Variants in DNAJC10 observed in about 807,000 individuals in gnomAD.
DNAJC10 encodes DnaJ heat shock protein family (Hsp40) member C10, also known as endoplasmic reticulum disulfide reductase DNAJC10.
Under a neutral mutation model 115.0 loss-of-function variants are expected in DNAJC10, and 101 were observed. The ratio of observed to expected loss-of-function variants is 0.88; its 90% CI spans 0.75 to 1.04. The LOEUF is 1.04. Ranked by LOEUF, DNAJC10 falls within the 50% of genes least tolerant of loss-of-function variation. The pLI, the probability that DNAJC10 is intolerant of heterozygous loss-of-function variation, is 0.00. For synonymous variants in DNAJC10, 307 were observed against 301.5 expected (o/e 1.02, Z -0.19); for missense variants, 981 against 928.8 (o/e 1.06, Z -0.73).
chr2:182,734,360 T>A (rs1315470068), intron 10 of DNAJC10, among the ~76,000 whole-genome samples: 3 of 151,616 alleles, frequency 2.0e-5, no homozygotes, highest in African/African-American at 7.2e-5. Flanking sequence ...AGATTCTATA[T>A]TTTTTGTTCC....
chr2:182,764,675 G>A (rs2105692709), intron 22 of DNAJC10, among the ~76,000 whole-genome samples: 1 of 152,146 alleles, frequency 6.6e-6, no homozygotes, highest in East Asian at 1.9e-4. Context: ...AGTATATAAG[G>A]GTGCATAGTA....
chr2:182,787,972 A>G lies in DNAJC10; in HGVS notation c.*10840A>G, dbSNP rs1415614086. 5 of 152,194 alleles carry G rather than the reference A, an allele frequency of 3.3e-5. No homozygotes were observed. The East Asian group carries it at 7.7e-4, about 23-fold the overall frequency. 9.4% of individuals were successfully genotyped at this position (152,194 alleles called of 1,614,324 possible). A position where few individuals can be genotyped will look rare whatever the true frequency, so the allele number is the denominator to read the frequency against. On this transcript the variant is annotated 3_prime_UTR_variant, in exon 24 of 24. Transcript: ENST00000264065. ...TAGGAATTAGGTGTCTCTAAATTGA[A>G]GTAATGCTCACATAGAAAAATTAAG...
Position 182,743,729 on chromosome 2 carries a change from AT to A in DNAJC10, c.1306+18del. On this transcript the variant is annotated intron_variant, in intron 14 of 23. Coordinates refer to ENST00000264065, the MANE Select transcript of DNAJC10 (RefSeq NM_018981.4). ...TTCATCATGGTAAGAATGGAAAAAA[AT>A]GATAAAAAAAAACTTAGCTTCATTT... 1 of 1,520,752 alleles carries A rather than the reference AT, an allele frequency of 6.6e-7. No homozygotes were observed. The highest frequency in any genetic ancestry group is 9.0e-7 in the Non-Finnish European group (1 of 1,115,042). 94.2% of individuals were successfully genotyped at this position (1,520,752 alleles called of 1,614,324 possible).
rs1253349777 is a variant in DNAJC10, at chr2:182,790,549, GC to G, written c.*13419del. ...ACCTGAAATCCCAGCGCTTTGGGAG[GC>G]CGAGGCGGGTGGATCCCTTGAGGTT... is the stretch of plus-strand genomic sequence containing the variant. On this transcript the variant is annotated 3_prime_UTR_variant, in exon 24 of 24. Coordinates refer to ENST00000264065, the MANE Select transcript of DNAJC10 (RefSeq NM_018981.4). 3.3e-5 allele frequency: 5 copies of G among 152,052 alleles called. No homozygotes were observed. Among genetic ancestry groups the G allele is most frequent in the Non-Finnish European group, 5.9e-5 (4 of 68,018 alleles). The allele number at this position is 152,052 out of a possible 1,614,324, so 9.4% of individuals were successfully genotyped here. A position where few individuals can be genotyped will look rare whatever the true frequency, so the allele number is the denominator to read the frequency against.
rs143317468 is a variant in DNAJC10 at position 182,724,281 on chromosome 2, C to T, written c.418+2206C>T. On this transcript the variant is annotated intron_variant, in intron 5 of 23. Transcript: ENST00000264065. ...TACTTGCTAAAATTATAGATTTGAA[C>T]ATGTGATATCTAGCCAATAGTGCAG... Among the ~76,000 whole-genome samples, 734 of 152,140 alleles carry T rather than the reference C, an allele frequency of 4.8e-3. 13 individuals carry two copies. Among genetic ancestry groups the T allele is most frequent in the African/African-American group, 0.017 (708 of 41,494 alleles).
At chr2:182,718,581 G>C (rs1693060446) in intron 3 of DNAJC10, among the ~76,000 whole-genome samples, 1 of 152,188 alleles carries the variant, frequency 6.6e-6, no homozygotes, top group Non-Finnish European at 1.5e-5. Flanking sequence ...AGTAGTTGAA[G>C]TAGTTTTCTT....
At position 182,791,963 on chromosome 2, in the gene DNAJC10, CAAT is replaced by C. The variant is rs1486728388; in HGVS notation, c.*14835_*14837del. 6.6e-6 allele frequency: 1 copy of C among 152,080 alleles called. No individual in the cohort carries two copies. The highest frequency in any genetic ancestry group is 1.5e-5 in the Non-Finnish European group (1 of 68,004). The allele number at this position is 152,080 out of a possible 1,614,324, so 9.4% of individuals were successfully genotyped here. ...ATTTTAAATTTAACTCTAAACAATG[CAAT>C]AATCTAGAGAATCAGAGAATTGGAT... On this transcript the variant is annotated 3_prime_UTR_variant, in exon 24 of 24. Coordinates refer to ENST00000264065, the MANE Select transcript of DNAJC10 (RefSeq NM_018981.4).
At position 182,718,273 on chromosome 2, in the gene DNAJC10, C is replaced by G; in HGVS notation, c.187C>G (p.His63Asp). ...QAFKKLALKL[H>D]PDKNPNNPNA... is the part of the protein sequence containing the mutation. ...TTTCAAGAAATTGGCATTGAAGTTA[C>G]ATCCTGATAAAAACCCGGTAGGTAA... Residue 63 changes from histidine (H) to aspartate (D), a missense_variant, in exon 3 of 24, where the codon CAT (histidine) becomes GAT (aspartate). Physicochemically the swap from His to Asp is moderately conservative, Grantham distance 81. Coordinates refer to ENST00000264065, the MANE Select transcript of DNAJC10 (RefSeq NM_018981.4). 1 of 1,603,854 alleles carries G rather than the reference C, an allele frequency of 6.2e-7. No individual in the cohort carries two copies. The highest frequency in any genetic ancestry group is 8.5e-7 in the Non-Finnish European group (1 of 1,176,794).
rs749415961 is a variant in DNAJC10 at position 182,716,286 on chromosome 2, G to A, written c.-401G>A. 3.9e-5 allele frequency: 6 copies of A among 152,432 alleles called. No homozygotes were observed. Among genetic ancestry groups the A allele is most frequent in the Non-Finnish European group, 7.3e-5 (5 of 68,224 alleles). The allele number at this position is 152,432 out of a possible 1,614,324, so 9.4% of individuals were successfully genotyped here. A position where few individuals can be genotyped will look rare whatever the true frequency, so the allele number is the denominator to read the frequency against. On this transcript the variant is annotated 5_prime_UTR_variant, in exon 1 of 24. Coordinates refer to ENST00000264065, the MANE Select transcript of DNAJC10 (RefSeq NM_018981.4). Reference sequence around the variant, plus strand: ...GCTCGCCGTGGAGACCGGCGCGTGAGGAACCTACCGGTACCGGCCGCGCGC... The same window carrying A: ...GCTCGCCGTGGAGACCGGCGCGTGAAGAACCTACCGGTACCGGCCGCGCGC...
chr2:182,776,969 T>G, intron 23 of DNAJC10, 152 bp from the exon 24 acceptor site: 1 of 442,860 alleles, frequency 2.3e-6, no homozygotes, highest in Non-Finnish European at 4.0e-6. Context: ...TGTTATATTT[T>G]GGCAAAGTAT....
rs1364280404 is a variant in DNAJC10 at position 182,785,329 on chromosome 2, T to C, written c.*8197T>C. The C allele has an allele frequency of 6.6e-6, 1 of 152,126 alleles. No individual in the cohort carries two copies. Among genetic ancestry groups the C allele is most frequent in the Non-Finnish European group, 1.5e-5 (1 of 68,006 alleles). 9.4% of individuals were successfully genotyped at this position (152,126 alleles called of 1,614,324 possible). On this transcript the variant is annotated 3_prime_UTR_variant, in exon 24 of 24. Coordinates refer to ENST00000264065, the MANE Select transcript of DNAJC10 (RefSeq NM_018981.4). ...TTAATTCAAAAATCTCAGGGTTTTC[T>C]GGGGCTTTTAGTACTCCTTTGTGAA...
Position 182,743,694 on chromosome 2 carries a change from G to T in DNAJC10, c.1288G>T (p.Glu430Ter). The T allele has an allele frequency of 6.2e-7, 1 of 1,603,866 alleles. No homozygotes were observed. The highest frequency in any genetic ancestry group is 1.1e-5 in the South Asian group (1 of 90,010). The change falls in exon 14 of 24, where the codon GAA becomes TAA. Residue 430 changes from glutamate to a stop codon, truncating the protein, a stop_gained. Coordinates refer to ENST00000264065, the MANE Select transcript of DNAJC10 (RefSeq NM_018981.4). LOFTEE classifies it high-confidence loss of function. ...AGTATTTAAAGGACAAGGAACCAAA[G>T]AATATGAAATTCATCATGGTAAGAA... ...LAVFKGQGTK[E>*]YEIHHGKKIL...
rs1394412948 is a variant in DNAJC10 at position 182,791,085 on chromosome 2, GATAA to G, written c.*13957_*13960del. 1 of 151,638 alleles carries G rather than the reference GATAA, an allele frequency of 6.6e-6. No homozygotes were observed. The highest frequency in any genetic ancestry group is 2.4e-5 in the African/African-American group (1 of 41,234). 9.4% of individuals were successfully genotyped at this position (151,638 alleles called of 1,614,324 possible). ...AAATATTCACTACATAAATTTAGTGGATAAATACCCCCACAGAGATCGACCCTGC... is the reference window on the plus strand; with the variant it reads ...AAATATTCACTACATAAATTTAGTGGATACCCCCACAGAGATCGACCCTGC... On this transcript the variant is annotated 3_prime_UTR_variant, in exon 24 of 24. Transcript: ENST00000264065.
At chr2:182,731,309 C>G (rs1693441645) in intron 9 of DNAJC10, among the ~76,000 whole-genome samples, 1 of 152,008 alleles carries the variant, frequency 6.6e-6, no homozygotes, top group Non-Finnish European at 1.5e-5. Context: ...AATGTATCCT[C>G]TATGTTTTTA....
intron 16 of DNAJC10, among the ~76,000 whole-genome samples, chr2:182,753,992 C>G (rs1465977322): frequency 1.3e-5 from 2 of 152,212 alleles, no homozygotes; most frequent in Non-Finnish European, 2.9e-5. Flanking sequence ...CCAAGATTCA[C>G]TACTCACCAA....
rs1046321359 is a variant in DNAJC10, at chr2:182,783,889, A to G, written c.*6757A>G. On this transcript the variant is annotated 3_prime_UTR_variant, in exon 24 of 24. Transcript: ENST00000264065. The stretch of plus-strand genomic sequence containing the variant: ...AATAACATGATCTATCAAAAGGCCT[A>G]TAATCTCAATCTTCATGTTAAGACT... 6.6e-6 allele frequency: 1 copy of G among 152,222 alleles called. No homozygotes were observed. The highest frequency in any genetic ancestry group is 1.5e-5 in the Non-Finnish European group (1 of 68,044). The allele number at this position is 152,222 out of a possible 1,614,324, so 9.4% of individuals were successfully genotyped here. A position where few individuals can be genotyped will look rare whatever the true frequency, so the allele number is the denominator to read the frequency against.
intron 14 of DNAJC10, among the ~76,000 whole-genome samples, chr2:182,745,430 C>G (rs1417005569): frequency 6.6e-6 from 1 of 152,214 alleles, no homozygotes; most frequent in Non-Finnish European, 1.5e-5. Context: ...TTAGCAAACT[C>G]CAAATTGCCT....
At chr2:182,754,555 T>C (rs1694107972) in intron 16 of DNAJC10, 1 of 155,514 alleles carries the variant, frequency 6.4e-6, no homozygotes, top group Admixed American at 6.5e-5. Context: ...TATAATCATG[T>C]ACCCCCTAAT....
At position 182,729,942 on chromosome 2, in the gene DNAJC10, G is replaced by A. The variant is rs780370802; in HGVS notation, c.727+1G>A. The A allele has an allele frequency of 1.9e-6, 3 of 1,579,844 alleles. No individual in the cohort carries two copies. The highest frequency in any genetic ancestry group is 2.7e-5 in the African/African-American group (2 of 73,400). On this transcript the variant is annotated splice_donor_variant, in intron 8 of 23. Transcript: ENST00000264065. LOFTEE classifies it high-confidence loss of function. ...AGTACAGTGACAGAACTTTGGACAG[G>A]TAATTTTATTTTCTTAATTTGCTTG...
Sources: gnomAD v4.1 joint callset for allele counts (sites outside exome capture counted in the v4.1 genomes callset) on GRCh38, gnomAD v4.1.1 for gene constraint, MANE v1.5 for transcripts, NCBI Gene and HGNC (gene_info 2026-07-23, HGNC 2026-07-21) for gene names.